The following RBPJ variants were observed in gnomAD, a reference collection of about 807,000 sequenced individuals.
RBPJ encodes recombination signal binding protein for immunoglobulin kappa J region.
RBPJ carries 9 observed loss-of-function variants against 67.8 expected under a neutral mutation model. That is an observed-to-expected ratio of 0.13 (90% CI 0.08 to 0.23). RBPJ has a LOEUF of 0.23. RBPJ is among the 10% of genes least tolerant of loss of function. RBPJ has a pLI of 1.00. For missense variants in RBPJ, 305 were observed against 595.6 expected (o/e 0.51, Z 5.08); for synonymous variants, 198 against 203.3 (o/e 0.97, Z 0.22).
At chr4:26,425,947 C>T (rs1305617556) in intron 7 of RBPJ, among the ~76,000 whole-genome samples, 1 of 150,470 alleles carries the variant, frequency 6.6e-6, no homozygotes, top group Non-Finnish European at 1.5e-5. Flanking sequence ...TGATTCATTT[C>T]TTTGTTACTG....
At chr4:26,222,326 T>A (rs1413873523) in intron 1 of RBPJ, among the ~76,000 whole-genome samples, 1 of 152,014 alleles carries the variant, frequency 6.6e-6, no homozygotes, top group Non-Finnish European at 1.5e-5. Context: ...AAAATCCGTC[T>A]GTACTAAAAA....
rs563628919 is a variant in RBPJ at position 26,241,712 on chromosome 4, A to C, written c.-167+78098A>C. Reference sequence around the variant, plus strand: ...ATTTTAGTAGAGGCAGGGTTTCGCTATGTTGGCCAGGCTGGTCTCAAACTC... The same window carrying C: ...ATTTTAGTAGAGGCAGGGTTTCGCTCTGTTGGCCAGGCTGGTCTCAAACTC... On this transcript the variant is annotated intron_variant, in intron 1 of 4. Coordinates refer to the RBPJ transcript ENST00000512351. Among the ~76,000 whole-genome samples the C allele has an allele frequency of 6.6e-5, 10 of 151,962 alleles. No homozygotes were observed. In the East Asian group the frequency reaches 1.9e-3, roughly 30 times the overall value.
intron 1 of RBPJ, among the ~76,000 whole-genome samples, chr4:26,303,505 G>A (rs900358547): frequency 1.3e-5 from 2 of 150,438 alleles, no homozygotes; most frequent in African/African-American, 4.9e-5. Context: ...TTACTATGAA[G>A]CTAGAAGGTA....
intron 1 of RBPJ, among the ~76,000 whole-genome samples, chr4:26,176,928 A>G (rs953012999): frequency 6.6e-6 from 1 of 152,240 alleles, no homozygotes; most frequent in Admixed American, 6.5e-5. Context: ...GGGGTGCAGA[A>G]GCTGCAGTCA....
chr4:26,319,915 C>G (rs764299199), upstream of RBPJ: 103 of 1,588,070 alleles, frequency 6.5e-5, no homozygotes, highest in Middle Eastern at 3.3e-4. Flanking sequence ...GGATTCGGGC[C>G]CTTCACCCTG....
chr4:26,234,810 A>G (rs1719400757), intron 1 of RBPJ, among the ~76,000 whole-genome samples: 1 of 152,030 alleles, frequency 6.6e-6, no homozygotes, highest in Admixed American at 6.6e-5. Context: ...CTCCTGCCTC[A>G]GCCTCCTAAG....
At chr4:26,230,666 TAA>T (rs568084888) in intron 1 of RBPJ, among the ~76,000 whole-genome samples, 4 of 152,376 alleles carry the variant, frequency 2.6e-5, no homozygotes, top group Non-Finnish European at 4.4e-5. Context: ...TTTGTTTCAT[TAA>T]GTGATCTTTA....
At chr4:26,228,130 G>A (rs1462599400) in intron 1 of RBPJ, among the ~76,000 whole-genome samples, 1 of 152,212 alleles carries the variant, frequency 6.6e-6, no homozygotes, top group Non-Finnish European at 1.5e-5. Context: ...TCTGGACATT[G>A]TCTCACAGGT....
At chr4:26,198,232 C>A (rs1158433312) in intron 1 of RBPJ, among the ~76,000 whole-genome samples, 1 of 150,624 alleles carries the variant, frequency 6.6e-6, no homozygotes, top group Non-Finnish European at 1.5e-5. Flanking sequence ...CCAGCTTGGG[C>A]AACAAGAGCG....
At chr4:26,168,621 C>A (rs1716418560) in intron 1 of RBPJ, among the ~76,000 whole-genome samples, 1 of 152,134 alleles carries the variant, frequency 6.6e-6, no homozygotes, top group African/African-American at 2.4e-5. Flanking sequence ...TGTTGGCCTG[C>A]CTTGCTAGAT....
chr4:26,126,680 T>C, the RBPJ span, among the ~76,000 whole-genome samples: 16 of 152,242 alleles, frequency 1.1e-4, no homozygotes, highest in African/African-American at 3.9e-4. Context: ...TATTCATTTA[T>C]TTCCCTCAAG....
intron 2 of RBPJ, among the ~76,000 whole-genome samples, chr4:26,397,821 G>A (rs2109698543): frequency 6.6e-6 from 1 of 152,282 alleles, no homozygotes; most frequent in East Asian, 1.9e-4. Context: ...TTTTAGTAGA[G>A]ACAGGGTTTC....
At position 26,196,687 on chromosome 4, in the gene RBPJ, A is replaced by G. The variant is rs1255761444; in HGVS notation, c.-167+33073A>G. 1.8e-4 allele frequency among the ~76,000 whole-genome samples: 27 copies of G among 152,232 alleles called. 2 individuals carry two copies. Among genetic ancestry groups the G allele is most frequent in the Non-Finnish European group, 1.5e-5 (1 of 68,048 alleles). On this transcript the variant is annotated intron_variant, in intron 1 of 4. Transcript: ENST00000512351. ...TTAGTATGAAATATTTCAAAAATAC[A>G]TAAAAGTACAAAATCACATAACAGA...
chr4:26,286,742 G>C (rs527696539), intron 1 of RBPJ, among the ~76,000 whole-genome samples: 1 of 151,138 alleles, frequency 6.6e-6, no homozygotes, highest in African/African-American at 2.4e-5. Context: ...TTCTTTATCT[G>C]AGGGGCACCC....
rs1722460107 is a variant in RBPJ at position 26,312,374 on chromosome 4, G to A, written c.-166-50072G>A. On this transcript the variant is annotated intron_variant, in intron 1 of 4. Coordinates refer to the RBPJ transcript ENST00000512351. ...TCTCGATCTCCTGACCTCGTGATCC[G>A]CCTGCCTCGGCCTCCCAAAGTGCTG... 2.6e-5 allele frequency among the ~76,000 whole-genome samples: 4 copies of A among 152,166 alleles called. 1 individual carries two copies. The highest frequency in any genetic ancestry group is 6.8e-3 in the Middle Eastern group (2 of 292).
At chr4:26,136,153 A>G in the RBPJ span, among the ~76,000 whole-genome samples, 2 of 152,186 alleles carry the variant, frequency 1.3e-5, no homozygotes, top group South Asian at 2.1e-4. Context: ...CCATGATTCA[A>G]TTGTCTCCAC....
chr4:26,311,737 G>A (rs1021329383), intron 1 of RBPJ, among the ~76,000 whole-genome samples: 4 of 152,206 alleles, frequency 2.6e-5, no homozygotes, highest in Non-Finnish European at 4.4e-5. Context: ...TAGTGAGAAA[G>A]TCCCAGAGAA....
chr4:26,145,028 CT>C, the RBPJ span, among the ~76,000 whole-genome samples: 5,363 of 146,462 alleles, frequency 0.037, 244 homozygotes, highest in African/African-American at 0.11. Context: ...TCTTCTTCTT[CT>C]TTTTTTTTTT....
the RBPJ span, among the ~76,000 whole-genome samples, chr4:26,121,462 T>G: frequency 2.6e-5 from 4 of 152,004 alleles, no homozygotes; most frequent in Non-Finnish European, 5.9e-5. Flanking sequence ...GTAAACCAAG[T>G]CTCAAAGAGA....
Sources: gnomAD v4.1 joint callset for allele counts (sites outside exome capture counted in the v4.1 genomes callset) on GRCh38, gnomAD v4.1.1 for gene constraint, MANE v1.5 for transcripts, NCBI Gene and HGNC (gene_info 2026-07-23, HGNC 2026-07-21) for gene names.